ICE2: variants seen among roughly 807,000 people sequenced by gnomAD.
The protein encoded by ICE2 is little elongation complex subunit 2.
A neutral mutation model predicts 105.4 loss-of-function variants in ICE2; 87 were observed. The ratio of observed to expected loss-of-function variants is 0.83; its 90% CI spans 0.69 to 0.99. ICE2 has a LOEUF of 0.99. ICE2 is among the 50% of genes least tolerant of loss of function. The probability of loss-of-function intolerance (pLI) is 0.00; values close to 1 mark genes in which losing one functional copy is unlikely to be tolerated. For synonymous variants in ICE2, 399 were observed against 392.0 expected (o/e 1.02, Z -0.21); for missense variants, 1,323 against 1,146.7 (o/e 1.15, Z -2.22).
chr15:60,452,176 A>C (rs761370834), intron 9 of ICE2: 15 of 966,076 alleles, frequency 1.6e-5, no homozygotes, highest in Non-Finnish European at 1.7e-5. Flanking sequence ...AAGAAAACAT[A>C]AGTTAAAAAT....
chr15:60,455,623 G>GT (rs35859869), intron 6 of ICE2, among the ~76,000 whole-genome samples, 181 bp from the exon 7 acceptor site: 17,649 of 144,562 alleles, frequency 0.12, 1,093 homozygotes, highest in Middle Eastern at 0.23. Flanking sequence ...CTACCTGTGG[G>GT]TTTTTTTTTT....
intron 12 of ICE2, chr15:60,439,231 G>A (rs991350889): frequency 2.6e-5 from 4 of 151,990 alleles, no homozygotes; most frequent in African/African-American, 9.7e-5. Context: ...AAATGTATAG[G>A]AAAACGAAAA....
At chr15:60,455,265 G>C in intron 7 of ICE2, 61 bp downstream of exon 7, 5 of 1,540,386 alleles carry the variant, frequency 3.2e-6, no homozygotes, top group Non-Finnish European at 8.9e-7. Context: ...AATCGGGTTA[G>C]ATATATTTTG....
chr15:60,473,905 A>T (rs2064680530), intron 3 of ICE2, among the ~76,000 whole-genome samples: 2 of 152,116 alleles, frequency 1.3e-5, no homozygotes, highest in East Asian at 1.9e-4. Context: ...GTTTATTTTT[A>T]AAAAATTGTC....
intron 13 of ICE2, 46 bp downstream of exon 13, chr15:60,436,095 TCA>T: frequency 1.4e-6 from 1 of 714,618 alleles, no homozygotes; most frequent in Non-Finnish European, 2.3e-6. Flanking sequence ...AAATTAATGA[TCA>T]CATTAACAAA....
chr15:60,428,587 A>G lies in ICE2; in HGVS notation c.2662T>C (p.Leu888=). The G allele has an allele frequency of 6.2e-7, 1 of 1,614,134 alleles. No individual in the cohort carries two copies. Among genetic ancestry groups the G allele is most frequent in the Non-Finnish European group, 8.5e-7 (1 of 1,180,010 alleles). Residue 888 remains leucine, a synonymous_variant, in exon 15 of 16, where the codon TTG becomes CTG. Coordinates refer to ENST00000261520, the MANE Select transcript of ICE2 (RefSeq NM_024611.6). ...DGKVTRTAYN[L]YKTHCGLPGV... ...GGAAGGCCGCAATGTGTTTTATACA[A>G]ATTGTATGCTGTCCTAGTAACTTTT...
chr15:60,465,700 A>G (rs1036502425), intron 5 of ICE2, among the ~76,000 whole-genome samples: 4 of 147,102 alleles, frequency 2.7e-5, no homozygotes, highest in African/African-American at 1.0e-4. Context: ...TACTACAAAT[A>G]TGTGTGTGTG....
chr15:60,425,753 T>C lies in ICE2; in HGVS notation c.2821-1991A>G, dbSNP rs576049211. Among the ~76,000 whole-genome samples the C allele has an allele frequency of 3.9e-5, 6 of 152,322 alleles. No individual in the cohort carries two copies. In the South Asian group the frequency reaches 1.0e-3, roughly 26 times the overall value. On this transcript the variant is annotated intron_variant, in intron 15 of 15. Coordinates refer to ENST00000261520, the MANE Select transcript of ICE2 (RefSeq NM_024611.6). ...GATGATTTCTATTTCATATAGGTCT[T>C]ACTTCCCTGGTTTCCTGAAAGCTGT...
Position 60,449,581 on chromosome 15 carries a change from T to C in ICE2, c.1386A>G (p.Glu462=), listed in dbSNP as rs2063911413. The C allele has an allele frequency of 1.9e-6, 3 of 1,614,192 alleles. No individual in the cohort carries two copies. Among genetic ancestry groups the C allele is most frequent in the Non-Finnish European group, 2.5e-6 (3 of 1,180,020 alleles). Reference sequence around the variant, plus strand: ...CCAGCTGTTTCTCCTTTTGCAATTGTTCCATCAGAATCTGAGATAAACTTC... The same window carrying C: ...CCAGCTGTTTCTCCTTTTGCAATTGCTCCATCAGAATCTGAGATAAACTTC... ...NSRSLSQILM[E]QLQKEKQLVT... The change falls in exon 10 of 16, where the codon GAA becomes GAG. Residue 462 remains glutamate (E), a synonymous_variant. Transcript: ENST00000261520.
rs1253031850 is a variant in ICE2 at position 60,467,478 on chromosome 15, G to GT, written c.408+582dup. On this transcript the variant is annotated intron_variant, in intron 4 of 15. Transcript: ENST00000261520. ...GTAATGTCCAATATTAGTGAAGATA[G>GT]TTTTTTCTTTTTTTAAATTTGATTT... Among the ~76,000 whole-genome samples, 4 of 152,118 alleles carry GT rather than the reference G, an allele frequency of 2.6e-5. No individual in the cohort carries two copies. The East Asian group carries it at 7.7e-4, about 29-fold the overall frequency.
Position 60,428,703 on chromosome 15 carries a change from G to T in ICE2, c.2562-16C>A, listed in dbSNP as rs550601822. On this transcript the variant is annotated splice_polypyrimidine_tract_variant and intron_variant, in intron 14 of 15. Transcript: ENST00000261520. ...CTCCTGCAAGCTAAATTCACACAAT[G>T]AAACTCAACCCACTGGCTCACTGTG... The T allele has an allele frequency of 3.1e-6, 5 of 1,609,058 alleles. No individual in the cohort carries two copies. In the East Asian group the frequency reaches 8.9e-5, roughly 29 times the overall value.
chr15:60,421,444 G>C lies in ICE2; in HGVS notation c.*2190C>G, dbSNP rs1015490447. ...AAAAAGAACATAAAGCATATCAAAT[G>C]TATGTTAAAAAAGGAGGCTTCACTA... On this transcript the variant is annotated 3_prime_UTR_variant, in exon 16 of 16. Transcript: ENST00000261520. 6.6e-6 allele frequency: 1 copy of C among 152,054 alleles called. No homozygotes were observed. The highest frequency in any genetic ancestry group is 1.5e-5 in the Non-Finnish European group (1 of 68,006). 9.4% of individuals were successfully genotyped at this position (152,054 alleles called of 1,614,324 possible). A position where few individuals can be genotyped will look rare whatever the true frequency, so the allele number is the denominator to read the frequency against.
At chr15:60,423,897 T>G (rs558209709) in intron 15 of ICE2, 135 bp from the exon 16 acceptor site, 24 of 704,306 alleles carry the variant, frequency 3.4e-5, no homozygotes, top group South Asian at 1.0e-4. Flanking sequence ...TCCAGCTAGC[T>G]GGCTGTTTCT....
intron 5 of ICE2, among the ~76,000 whole-genome samples, chr15:60,459,661 G>C (rs577924251): frequency 5.6e-4 from 85 of 152,152 alleles, no homozygotes; most frequent in African/African-American, 1.7e-3. Flanking sequence ...GTTTAAAAAA[G>C]AAACAGCATT....
At position 60,420,746 on chromosome 15, in the gene ICE2, A is replaced by G. The variant is rs541328832; in HGVS notation, c.*2888T>C. On this transcript the variant is annotated 3_prime_UTR_variant, in exon 16 of 16. Coordinates refer to ENST00000261520, the MANE Select transcript of ICE2 (RefSeq NM_024611.6). ...TCAAGTTCTATCTCAGAAAACCTTA[A>G]CTACCAAGATCTGGTTAGATGACTT... The G allele has an allele frequency of 2.4e-4, 36 of 152,326 alleles. No individual in the cohort carries two copies. The highest frequency in any genetic ancestry group is 8.7e-4 in the African/African-American group (36 of 41,572). The allele number at this position is 152,326 out of a possible 1,614,324, so 9.4% of individuals were successfully genotyped here.
At chr15:60,439,551 T>G (rs1485738657) in intron 12 of ICE2, 1 of 152,084 alleles carries the variant, frequency 6.6e-6, no homozygotes, top group East Asian at 1.9e-4. Flanking sequence ...CCAGCTAATT[T>G]TTTACATTTT....
intron 3 of ICE2, among the ~76,000 whole-genome samples, chr15:60,472,336 A>T (rs1264754222): frequency 6.6e-6 from 1 of 152,158 alleles, no homozygotes; most frequent in Non-Finnish European, 1.5e-5. Flanking sequence ...TTTTTCAACA[A>T]GAAAACAGTT....
At chr15:60,477,617 G>A (rs1297002440) in intron 2 of ICE2, among the ~76,000 whole-genome samples, 1 of 152,122 alleles carries the variant, frequency 6.6e-6, no homozygotes, top group African/African-American at 2.4e-5. Context: ...TTACTTGTAT[G>A]GAAATGGGCC....
At chr15:60,451,254 T>C (rs927192891) in intron 9 of ICE2, 59 of 633,022 alleles carry the variant, frequency 9.3e-5, no homozygotes, top group African/African-American at 4.6e-4. Flanking sequence ...ATATGAAAGA[T>C]TGAAAATACA....
Sources: allele counts gnomAD v4.1 joint callset (sites outside exome capture counted in the v4.1 genomes callset), GRCh38; gene constraint gnomAD v4.1.1; transcripts MANE v1.5; gene names NCBI Gene and HGNC (gene_info 2026-07-23, HGNC 2026-07-21).